WDR64: variants seen among roughly 807,000 people sequenced by gnomAD.
WDR64 encodes the protein WD repeat-containing protein 64.
WDR64 carries 112 observed loss-of-function variants against 139.3 expected under a neutral mutation model. The ratio of observed to expected loss-of-function variants is 0.80; its 90% CI spans 0.69 to 0.94. The LOEUF (loss-of-function observed/expected upper bound fraction) is 0.94, where lower values mean the gene tolerates loss of function less well. Among genes scored for constraint, WDR64 ranks in the 40% least tolerant of loss-of-function variants. WDR64 has a pLI of 0.00. For missense variants in WDR64, 1,206 were observed against 1,293.1 expected (o/e 0.93, Z 1.03); for synonymous variants, 444 against 437.7 (o/e 1.01, Z -0.18).
At chr1:241,784,799 C>T (rs1264125243) in intron 23 of WDR64, among the ~76,000 whole-genome samples, 1 of 151,366 alleles carries the variant, frequency 6.6e-6, no homozygotes, top group Admixed American at 6.6e-5. Context: ...ACTGCGAATA[C>T]AAAAATTAGC....
At chr1:241,769,607 TAGAA>T (rs1336717245) in intron 17 of WDR64, 102 bp downstream of exon 17, 7 of 1,027,018 alleles carry the variant, frequency 6.8e-6, no homozygotes, top group South Asian at 6.2e-5. Context: ...TTGAAAGTAA[TAGAA>T]AGAGTTTACT....
intron 10 of WDR64, among the ~76,000 whole-genome samples, chr1:241,731,077 A>G (rs1172169470): frequency 6.6e-6 from 1 of 152,258 alleles, no homozygotes; most frequent in African/African-American, 2.4e-5. Context: ...AAGCCAGTGT[A>G]CTTTACAAAA....
chr1:241,692,712 T>A (rs1456062531), intron 8 of WDR64, among the ~76,000 whole-genome samples: 1 of 152,090 alleles, frequency 6.6e-6, no homozygotes, highest in African/African-American at 2.4e-5. Flanking sequence ...ATACAAAAAA[T>A]TATTTCAACT....
intron 15 of WDR64, among the ~76,000 whole-genome samples, chr1:241,758,356 C>A (rs1670292338): frequency 6.6e-6 from 1 of 151,360 alleles, no homozygotes; most frequent in Non-Finnish European, 1.5e-5. Flanking sequence ...TGATCACTAC[C>A]TAGGCCTATT....
At chr1:241,801,081 T>A (rs765195603) in intron 27 of WDR64, 51 bp from the exon 28 acceptor site, 3 of 1,485,908 alleles carry the variant, frequency 2.0e-6, no homozygotes, top group African/African-American at 1.4e-5. Flanking sequence ...TGGAAAATTG[T>A]GTTTGTCAGT....
chr1:241,746,708 C>CACA (rs1669771896), intron 13 of WDR64, among the ~76,000 whole-genome samples: 1 of 151,194 alleles, frequency 6.6e-6, no homozygotes, highest in Non-Finnish European at 1.5e-5. Context: ...ATCTGAAAGG[C>CACA]ACTAACAAAA....
chr1:241,769,474 C>T lies in WDR64; in HGVS notation c.2152C>T (p.Leu718=), dbSNP rs1032329234. 34 of 1,551,400 alleles carry T rather than the reference C, an allele frequency of 2.2e-5. No homozygotes were observed. Among genetic ancestry groups the T allele is most frequent in the South Asian group, 3.6e-5 (3 of 84,068 alleles). The change falls in exon 17 of 28, where the codon CTG becomes TTG. Residue 718 remains leucine, a synonymous_variant. Transcript: ENST00000437684. ...HPKHFKINDI[L]FLFRTPECAR... Reference sequence around the variant, plus strand: ...CAAGCACTTTAAAATTAATGACATACTGTTCCTCTTTCGTACCCCTGAATG... The same window carrying T: ...CAAGCACTTTAAAATTAATGACATATTGTTCCTCTTTCGTACCCCTGAATG...
intron 4 of WDR64, among the ~76,000 whole-genome samples, chr1:241,674,998 T>A: frequency 3.0e-5 from 1 of 32,872 alleles, no homozygotes; most frequent in South Asian, 1.1e-3. Context: ...CCTTTCTCCC[T>A]CCCTCTCTTC....
At chr1:241,745,042 G>C (rs192314578) in intron 13 of WDR64, among the ~76,000 whole-genome samples, 1 of 152,326 alleles carries the variant, frequency 6.6e-6, no homozygotes, top group Non-Finnish European at 1.5e-5. Context: ...GGTTGGGCTA[G>C]GCCGTTTGGT....
chr1:241,696,283 T>C (rs1667483989), intron 8 of WDR64, among the ~76,000 whole-genome samples: 1 of 151,920 alleles, frequency 6.6e-6, no homozygotes, highest in South Asian at 2.1e-4. Flanking sequence ...TAACTCCCAC[T>C]ACAGCTACTC....
chr1:241,697,780 T>C (rs1667552910), intron 8 of WDR64, among the ~76,000 whole-genome samples: 1 of 152,198 alleles, frequency 6.6e-6, no homozygotes, highest in Admixed American at 6.5e-5. Flanking sequence ...TTCTCTCTAA[T>C]GTAGCTTCTT....
intron 11 of WDR64, 144 bp downstream of exon 11, chr1:241,738,633 A>T: frequency 1.2e-6 from 1 of 853,112 alleles, no homozygotes; most frequent in East Asian, 2.9e-5. Flanking sequence ...TAGATATTTA[A>T]TTCAATTCTG....
At chr1:241,716,750 C>G (rs1668419303) in intron 9 of WDR64, among the ~76,000 whole-genome samples, 1 of 152,112 alleles carries the variant, frequency 6.6e-6, no homozygotes, top group Non-Finnish European at 1.5e-5. Flanking sequence ...TCTGCTAATT[C>G]TGCCTCCACA....
chr1:241,768,853 GGGTCCTCACT>G (rs1293208249), intron 16 of WDR64, among the ~76,000 whole-genome samples: 1 of 152,190 alleles, frequency 6.6e-6, no homozygotes, highest in African/African-American at 2.4e-5. Context: ...AGCAAGAGCA[GGGTCCTCACT>G]GGACTACCTG....
rs1047869836 is a variant in WDR64 at position 241,750,936 on chromosome 1, G to A, written c.1770+1214G>A. On this transcript the variant is annotated intron_variant, in intron 14 of 27. Coordinates refer to ENST00000437684, the MANE Select transcript of WDR64 (RefSeq NM_001367482.1). ...AGAACTTTTATTAATGTTGGAGCGG[G>A]CAGCTTTATAATATAATGTTGAAAG... Among the ~76,000 whole-genome samples the A allele has an allele frequency of 5.9e-5, 9 of 152,090 alleles. No individual in the cohort carries two copies. The East Asian group carries it at 1.5e-3, about 26-fold the overall frequency.
intron 10 of WDR64, among the ~76,000 whole-genome samples, chr1:241,727,246 A>C (rs1290967417): frequency 6.6e-6 from 1 of 152,192 alleles, no homozygotes; most frequent in African/African-American, 2.4e-5. Context: ...TGAGACACTA[A>C]AACTAAAAAC....
chr1:241,697,538 G>A (rs775848604), intron 8 of WDR64, among the ~76,000 whole-genome samples: 4 of 152,038 alleles, frequency 2.6e-5, no homozygotes, highest in African/African-American at 4.8e-5. Flanking sequence ...CTCCCCCAGC[G>A]TCGAACAGGC....
intron 10 of WDR64, among the ~76,000 whole-genome samples, chr1:241,736,963 C>G (rs1033488239): frequency 4.6e-5 from 7 of 152,190 alleles, no homozygotes; most frequent in Admixed American, 2.6e-4. Context: ...GACTGCCCAC[C>G]ATGAACATAC....
intron 8 of WDR64, among the ~76,000 whole-genome samples, chr1:241,699,269 A>G (rs1025677367): frequency 7.9e-5 from 12 of 152,230 alleles, no homozygotes; most frequent in African/African-American, 2.9e-4. Context: ...AGGGTTACCA[A>G]TACATGCAAC....
Sources: allele counts gnomAD v4.1 joint callset (sites outside exome capture counted in the v4.1 genomes callset), GRCh38; gene constraint gnomAD v4.1.1; transcripts MANE v1.5; gene names NCBI Gene and HGNC (gene_info 2026-07-23, HGNC 2026-07-21).